The following HYCC2 variants were observed in gnomAD, a reference collection of about 807,000 sequenced individuals.
The protein encoded by HYCC2 is hyccin PI4KA lipid kinase complex subunit 2, also known as hyccin 2.
At chr2:201,017,698 T>A in the HYCC2 span, among the ~76,000 whole-genome samples, 1 of 152,218 alleles carries the variant, frequency 6.6e-6, no homozygotes, top group African/African-American at 2.4e-5. Context: ...AATCAGTTTC[T>A]GACAGTCAAA....
chr2:200,991,937 G>A, the HYCC2 span, among the ~76,000 whole-genome samples: 372 of 151,926 alleles, frequency 2.4e-3, 3 homozygotes, highest in African/African-American at 8.6e-3. Flanking sequence ...TGTTTATGTC[G>A]GGGCCGGGGG....
chr2:201,049,780 TAAC>T, the HYCC2 span, among the ~76,000 whole-genome samples: 1 of 151,916 alleles, frequency 6.6e-6, no homozygotes, highest in Admixed American at 6.6e-5. Flanking sequence ...TACAAATCAT[TAAC>T]AACAATAACA....
the HYCC2 span, among the ~76,000 whole-genome samples, chr2:201,052,868 A>G: frequency 6.6e-6 from 1 of 152,302 alleles, no homozygotes; most frequent in Non-Finnish European, 1.5e-5. Context: ...AAGATCTGCA[A>G]AGGATCCCTC....
the HYCC2 span, chr2:201,008,984 A>G: frequency 6.2e-7 from 1 of 1,606,002 alleles, no homozygotes; most frequent in South Asian, 1.1e-5. Flanking sequence ...GGTTCTGTGC[A>G]GTGAATGTTT....
the HYCC2 span, among the ~76,000 whole-genome samples, chr2:201,049,743 T>C: frequency 5.9e-5 from 9 of 152,264 alleles, no homozygotes; most frequent in South Asian, 1.7e-3. Context: ...ATGCAAAGTA[T>C]GGTTTCTAAC....
chr2:200,984,433 C>T, the HYCC2 span, among the ~76,000 whole-genome samples: 1 of 152,140 alleles, frequency 6.6e-6, no homozygotes, highest in Non-Finnish European at 1.5e-5. Context: ...TATATTGTCC[C>T]TTCAATTTCA....
the HYCC2 span, among the ~76,000 whole-genome samples, chr2:201,040,459 G>GTT: frequency 0.012 from 1,586 of 135,128 alleles, 16 homozygotes; most frequent in Non-Finnish European, 0.017. Flanking sequence ...TATTGCTTTT[G>GTT]TTTTTTTTTT....
the HYCC2 span, among the ~76,000 whole-genome samples, chr2:201,037,247 T>TA: frequency 1.3e-5 from 2 of 151,970 alleles, no homozygotes; most frequent in Non-Finnish European, 2.9e-5. Flanking sequence ...AAAGAGGGCA[T>TA]AAAAAAATGG....
the HYCC2 span, among the ~76,000 whole-genome samples, chr2:201,000,583 T>C: frequency 2.6e-5 from 4 of 152,228 alleles, no homozygotes; most frequent in Admixed American, 2.6e-4. Flanking sequence ...AGCGTGAGAA[T>C]GTAGAGAAAC....
the HYCC2 span, among the ~76,000 whole-genome samples, chr2:201,033,776 C>T: frequency 1.3e-4 from 20 of 152,016 alleles, no homozygotes; most frequent in Admixed American, 3.3e-4. Context: ...TGGGCTCAAG[C>T]ACTCTTCCCA....
chr2:201,068,150 G>T, the HYCC2 span, among the ~76,000 whole-genome samples: 1 of 152,072 alleles, frequency 6.6e-6, no homozygotes, highest in East Asian at 1.9e-4. Context: ...AGCCGGGCGT[G>T]GTGGCACATG....
At chr2:201,069,094 T>C in the HYCC2 span, among the ~76,000 whole-genome samples, 1 of 152,224 alleles carries the variant, frequency 6.6e-6, no homozygotes, top group Non-Finnish European at 1.5e-5. Flanking sequence ...AGTTTTTCAC[T>C]ATGTAGCATT....
chr2:201,000,719 A>T, the HYCC2 span, among the ~76,000 whole-genome samples: 1 of 152,192 alleles, frequency 6.6e-6, no homozygotes, highest in African/African-American at 2.4e-5. Flanking sequence ...TCCTAGGTAT[A>T]TACTAAAAAG....
chr2:200,992,453 T>C, the HYCC2 span: 1 of 961,910 alleles, frequency 1.0e-6, no homozygotes, highest in Non-Finnish European at 1.6e-6. Context: ...TCCTGCTATT[T>C]TGGTTGTGAA....
chr2:201,061,585 C>T, the HYCC2 span, among the ~76,000 whole-genome samples: 1 of 150,958 alleles, frequency 6.6e-6, no homozygotes, highest in African/African-American at 2.4e-5. Context: ...ATACTTTGAA[C>T]CAGTTCTTCC....
the HYCC2 span, chr2:201,011,320 G>C: frequency 1.2e-6 from 1 of 866,460 alleles, no homozygotes; most frequent in African/African-American, 1.8e-5. Context: ...ATTTATCTCT[G>C]ATAAGAAACT....
the HYCC2 span, among the ~76,000 whole-genome samples, chr2:201,010,972 C>T: frequency 0.011 from 1,721 of 151,828 alleles, 17 homozygotes; most frequent in Non-Finnish European, 0.017. Flanking sequence ...TGGTGAAACC[C>T]CATCTCTACT....
At chr2:200,990,721 G>A in the HYCC2 span, among the ~76,000 whole-genome samples, 5 of 152,080 alleles carry the variant, frequency 3.3e-5, no homozygotes, top group African/African-American at 7.2e-5. Context: ...ACAGGCGCCC[G>A]CCACCGCGCC....
At chr2:201,011,824 A>G in the HYCC2 span, among the ~76,000 whole-genome samples, 1 of 152,236 alleles carries the variant, frequency 6.6e-6, no homozygotes. Context: ...TCCTTTAGTA[A>G]AAACATGGCT....
Sources: gnomAD v4.1 joint callset for allele counts (sites outside exome capture counted in the v4.1 genomes callset) on GRCh38, gnomAD v4.1.1 for gene constraint, MANE v1.5 for transcripts, NCBI Gene and HGNC (gene_info 2026-07-23, HGNC 2026-07-21) for gene names.